Variants in SIPA1L2 observed in about 807,000 individuals in gnomAD.
SIPA1L2 encodes signal induced proliferation associated 1 like 2, also known as signal-induced proliferation-associated 1-like protein 2.
SIPA1L2 carries 56 observed loss-of-function variants against 163.9 expected under a neutral mutation model. That is an observed-to-expected ratio of 0.34 (90% CI 0.28 to 0.43). The LOEUF (loss-of-function observed/expected upper bound fraction) is 0.43. Among genes scored for constraint, SIPA1L2 ranks in the 20% least tolerant of loss-of-function variants. SIPA1L2 has a pLI of 1.00. For synonymous variants in SIPA1L2, 877 were observed against 865.7 expected, an observed-to-expected ratio of 1.01 and a Z score of -0.23; for missense variants, 1,974 against 2,193.5, an observed-to-expected ratio of 0.90 and a Z score of 2.00.
intron 2 of SIPA1L2, among the ~76,000 whole-genome samples, chr1:232,528,859 T>C (rs1235360085): frequency 1.3e-5 from 2 of 152,232 alleles, no homozygotes; most frequent in Admixed American, 1.3e-4. Context: ...CTGACACTTT[T>C]GGTTTCTGCC....
chr1:232,465,197 G>A lies in SIPA1L2; in HGVS notation c.2463C>T (p.Thr821=), dbSNP rs748021646. The change falls in exon 9 of 23, where the codon ACC becomes ACT. Residue 821 remains threonine, a synonymous_variant. Transcript: ENST00000674635. The surrounding 1 kb of genome is among the most constrained non-coding windows in gnomAD (Gnocchi z 4.1). The part of the protein sequence containing the change: ...DLAENFVTTA[T]VDTSVKFSFI... ...AGCTGAACTTCACAGAGGTATCCAC[G>A]GTGGCGGTTGTGACAAAGTTCTCCG... 32 of 1,614,008 alleles carry A rather than the reference G, an allele frequency of 2.0e-5. No individual in the cohort carries two copies. The highest frequency in any genetic ancestry group is 4.4e-5 in the South Asian group (4 of 91,082).
At chr1:232,608,211 A>G (rs1041110650) in intron 1 of SIPA1L2, among the ~76,000 whole-genome samples, 2 of 151,952 alleles carry the variant, frequency 1.3e-5, no homozygotes, top group Admixed American at 1.3e-4. Flanking sequence ...ACACCCCACT[A>G]ATTTTTTTGT....
chr1:232,434,654 G>A (rs1422622614), intron 15 of SIPA1L2, among the ~76,000 whole-genome samples: 3 of 152,170 alleles, frequency 2.0e-5, no homozygotes, highest in Non-Finnish European at 4.4e-5. Context: ...GCCAGTTAGG[G>A]AGCCCTAACA....
chr1:232,602,458 G>A (rs1661652260), intron 1 of SIPA1L2, among the ~76,000 whole-genome samples: 1 of 152,202 alleles, frequency 6.6e-6, no homozygotes, highest in Non-Finnish European at 1.5e-5. Flanking sequence ...AGCCTCCAGA[G>A]TAGCTGGGAT....
chr1:232,449,105 G>C (rs11582665), intron 10 of SIPA1L2, among the ~76,000 whole-genome samples: 1,639 of 152,182 alleles, frequency 0.011, 39 homozygotes, highest in African/African-American at 0.037. Flanking sequence ...GAAGCTCATG[G>C]AACAACTAGA....
chr1:232,534,802 C>T (rs1163747417), intron 2 of SIPA1L2, among the ~76,000 whole-genome samples: 2 of 152,214 alleles, frequency 1.3e-5, no homozygotes, highest in Admixed American at 6.5e-5. Context: ...CCAGCATCTA[C>T]ATCCAGCCTC....
chr1:232,589,820 T>C (rs1432417509), intron 1 of SIPA1L2, among the ~76,000 whole-genome samples: 1 of 152,096 alleles, frequency 6.6e-6, no homozygotes, highest in African/African-American at 2.4e-5. Context: ...TTTAGAAAAA[T>C]GGCATGCTTG....
rs114432559 is a variant in SIPA1L2 at position 232,629,042 on chromosome 1, A to G, written c.-319+827T>C. 1.6e-3 allele frequency among the ~76,000 whole-genome samples: 251 copies of G among 152,234 alleles called. 1 individual carries two copies. Among genetic ancestry groups the G allele is most frequent in the African/African-American group, 5.9e-3 (247 of 41,538 alleles). On this transcript the variant is annotated intron_variant, in intron 1 of 22. Transcript: ENST00000674635. ...TTTGGTGAGCACAATTCCGTAACCAATGCACTTGATTTTTTCCAATACTCA... is the reference window on the plus strand; with the variant it reads ...TTTGGTGAGCACAATTCCGTAACCAGTGCACTTGATTTTTTCCAATACTCA...
intron 5 of SIPA1L2, among the ~76,000 whole-genome samples, chr1:232,487,549 C>T (rs1048815429): frequency 1.3e-5 from 2 of 152,090 alleles, no homozygotes; most frequent in East Asian, 3.8e-4. Flanking sequence ...TGTCATAATT[C>T]GTCTAAATAA....
chr1:232,467,096 A>G (rs1290225046), intron 8 of SIPA1L2, among the ~76,000 whole-genome samples: 1 of 152,254 alleles, frequency 6.6e-6, no homozygotes, highest in Admixed American at 6.5e-5. Flanking sequence ...GTGGTTGGTT[A>G]GACTTTAGAA....
At chr1:232,417,659 T>C (rs77705875) in intron 18 of SIPA1L2, among the ~76,000 whole-genome samples, 5 of 151,746 alleles carry the variant, frequency 3.3e-5, no homozygotes, top group African/African-American at 1.2e-4. Context: ...TCCAGAAAGG[T>C]AAAGAAAGAC....
chr1:232,422,094 A>C (rs1661609575), intron 18 of SIPA1L2, among the ~76,000 whole-genome samples: 1 of 152,192 alleles, frequency 6.6e-6, no homozygotes, highest in Non-Finnish European at 1.5e-5. Flanking sequence ...CTGTGTGTTC[A>C]AAAGCCCACT....
chr1:232,407,201 T>C (rs1049656660), intron 19 of SIPA1L2, among the ~76,000 whole-genome samples: 7 of 152,262 alleles, frequency 4.6e-5, no homozygotes, highest in African/African-American at 1.7e-4. Context: ...ACTTTTGAGA[T>C]AATTTAAATG....
intron 19 of SIPA1L2, among the ~76,000 whole-genome samples, chr1:232,415,011 C>T (rs750006964): frequency 6.6e-6 from 1 of 152,224 alleles, no homozygotes; most frequent in African/African-American, 2.4e-5. Flanking sequence ...GAGGCCTCAA[C>T]AGCCAAAGAC....
chr1:232,487,592 T>A (rs1288948803), intron 5 of SIPA1L2, among the ~76,000 whole-genome samples: 2 of 152,186 alleles, frequency 1.3e-5, no homozygotes, highest in Non-Finnish European at 2.9e-5. Flanking sequence ...TATAATTTTA[T>A]GAGTTTACCT....
chr1:232,526,042 A>C (rs1245525410), intron 2 of SIPA1L2, among the ~76,000 whole-genome samples: 1 of 152,228 alleles, frequency 6.6e-6, no homozygotes, highest in Non-Finnish European at 1.5e-5. Context: ...GCTGCTGGCA[A>C]AACTGCAACT....
intron 3 of SIPA1L2, among the ~76,000 whole-genome samples, chr1:232,505,687 G>A (rs1002145938): frequency 4.6e-5 from 7 of 152,168 alleles, no homozygotes; most frequent in Admixed American, 3.9e-4. Context: ...TGCGACCACA[G>A]CCCTTGGTGC....
chr1:232,514,602 T>G lies in SIPA1L2; in HGVS notation c.738A>C (p.Ala246=), dbSNP rs746036608. 3 of 1,614,124 alleles carry G rather than the reference T, an allele frequency of 1.9e-6. No homozygotes were observed. In the African/African-American group the frequency reaches 4.0e-5, roughly 22 times the overall value. The change falls in exon 3 of 23, where the codon GCA becomes GCC. Residue 246 remains alanine (A), a synonymous_variant. Coordinates refer to ENST00000674635, the MANE Select transcript of SIPA1L2 (RefSeq NM_020808.5). Reference sequence around the variant, plus strand: ...ATTCTCCCCTAGAAATCTGTGCTGCTGCATGAAGGCTCGGAGAGATTGCAG... The same window carrying G: ...ATTCTCCCCTAGAAATCTGTGCTGCGGCATGAAGGCTCGGAGAGATTGCAG... ...CDPAISPSLH[A]AAQISRGEFV...
chr1:232,478,228 G>C (rs1008427042), intron 7 of SIPA1L2, among the ~76,000 whole-genome samples: 3 of 152,316 alleles, frequency 2.0e-5, no homozygotes, highest in Admixed American at 2.0e-4. Flanking sequence ...GTGTAATACA[G>C]AGATAGATTT....
Sources: allele counts gnomAD v4.1 joint callset (sites outside exome capture counted in the v4.1 genomes callset), GRCh38; gene constraint gnomAD v4.1.1; non-coding constraint Gnocchi (gnomAD v3.1); transcripts MANE v1.5; gene names NCBI Gene and HGNC (gene_info 2026-07-23, HGNC 2026-07-21).